Variants in ZNF606 observed in about 807,000 individuals in gnomAD.
ZNF606 encodes zinc finger protein 606.
Under a neutral mutation model 74.9 loss-of-function variants are expected in ZNF606, and 37 were observed. That is an observed-to-expected ratio of 0.49 (90% CI 0.38 to 0.65). The LOEUF is 0.65. Among genes scored for constraint, ZNF606 ranks in the 30% least tolerant of loss-of-function variants. The pLI is 0.00. For synonymous variants in ZNF606, 328 were observed against 312.4 expected (o/e 1.05, Z -0.53); for missense variants, 852 against 952.9 (o/e 0.89, Z 1.39).
intron 4 of ZNF606, among the ~76,000 whole-genome samples, chr19:57,988,940 A>G (rs1309365165): frequency 1.3e-5 from 2 of 152,208 alleles, no homozygotes; most frequent in South Asian, 2.1e-4. Flanking sequence ...TGGGTCCACA[A>G]TAACCACAGC....
chr19:57,987,530 A>T (rs2073182348), intron 6 of ZNF606, among the ~76,000 whole-genome samples: 1 of 152,154 alleles, frequency 6.6e-6, no homozygotes, highest in Non-Finnish European at 1.5e-5. Flanking sequence ...TCTAAGTAAG[A>T]AAGAACAAAA....
chr19:58,001,692 A>G (rs2073431757), intron 1 of ZNF606, among the ~76,000 whole-genome samples: 1 of 152,192 alleles, frequency 6.6e-6, no homozygotes, highest in Non-Finnish European at 1.5e-5. Flanking sequence ...ATCCTCATAT[A>G]TTAGTGGTTG....
chr19:57,990,159 G>A (rs978584879), intron 4 of ZNF606, among the ~76,000 whole-genome samples: 1 of 150,548 alleles, frequency 6.6e-6, no homozygotes, highest in Non-Finnish European at 1.5e-5. Context: ...TCAGGAGATT[G>A]AGACCATCCT....
chr19:57,999,020 CT>C (rs2123342054), intron 4 of ZNF606: 1 of 152,682 alleles, frequency 6.5e-6, no homozygotes, highest in South Asian at 2.1e-4. Flanking sequence ...CCCAAGACTT[CT>C]GAGGTTCTGC....
At chr19:57,983,800 T>C (rs888823732) in intron 6 of ZNF606, among the ~76,000 whole-genome samples, 5 of 151,712 alleles carry the variant, frequency 3.3e-5, no homozygotes, top group Non-Finnish European at 5.9e-5. Context: ...GCGTGACCAG[T>C]GTGTGAGGAG....
chr19:57,993,811 G>A (rs998011623), intron 4 of ZNF606, among the ~76,000 whole-genome samples: 2 of 152,196 alleles, frequency 1.3e-5, no homozygotes, highest in African/African-American at 4.8e-5. Flanking sequence ...GAACTGACCA[G>A]CTGACCCTGG....
At chr19:57,986,954 A>G (rs1393031562) in intron 6 of ZNF606, among the ~76,000 whole-genome samples, 5 of 151,980 alleles carry the variant, frequency 3.3e-5, no homozygotes, top group Non-Finnish European at 7.4e-5. Flanking sequence ...ACTGAGCATG[A>G]CGGTGCATGG....
intron 3 of ZNF606, chr19:58,000,476 C>T (rs1042081858): frequency 6.8e-5 from 44 of 648,750 alleles, no homozygotes; most frequent in African/African-American, 1.8e-4. Context: ...CCACTCGCCT[C>T]GGCCTCCCAA....
chr19:58,001,356 A>C lies in ZNF606; in HGVS notation c.-37T>G. 1 of 1,614,144 alleles carries C rather than the reference A, an allele frequency of 6.2e-7. No homozygotes were observed. The stretch of plus-strand genomic sequence containing the variant: ...ATTGACCAGGCACCTGCCCAGGAAC[A>C]CAGCAAATCCCAACCTAGTGACAAA... On this transcript the variant is annotated 5_prime_UTR_variant, in exon 2 of 7. Transcript: ENST00000551380.
chr19:58,002,620 G>A lies in ZNF606; in HGVS notation c.-276C>T, dbSNP rs746895712. ...GAACGCCCGGAGGCGGGAGGCCGGA[G>A]GCAGGCTGCTGGCTGGAGAACCGAC... On this transcript the variant is annotated 5_prime_UTR_variant, in exon 1 of 7. Coordinates refer to ENST00000551380, the MANE Select transcript of ZNF606 (RefSeq NM_001348022.3). 7.3e-5 allele frequency: 33 copies of A among 451,124 alleles called. No homozygotes were observed. The highest frequency in any genetic ancestry group is 1.4e-4 in the South Asian group (9 of 64,236). 27.9% of individuals were successfully genotyped at this position (451,124 alleles called of 1,614,324 possible). A position where few individuals can be genotyped will look rare whatever the true frequency, so the allele number is the denominator to read the frequency against.
At chr19:57,989,169 AC>A (rs1427433195) in intron 4 of ZNF606, among the ~76,000 whole-genome samples, 1 of 152,142 alleles carries the variant, frequency 6.6e-6, no homozygotes. Context: ...CTGTACATTC[AC>A]AAGTTGTCTT....
chr19:57,983,148 A>T (rs1173656133), intron 6 of ZNF606, among the ~76,000 whole-genome samples: 1 of 152,216 alleles, frequency 6.6e-6, no homozygotes, highest in East Asian at 1.9e-4. Context: ...TTCTTGTCCA[A>T]CTTTATACTC....
chr19:57,988,698 C>G lies in ZNF606; in HGVS notation c.201G>C (p.Val67=). The G allele has an allele frequency of 6.2e-7, 1 of 1,614,154 alleles. No homozygotes were observed. ...QVQEPVTFKD[V]AVDFTQEEWG... ...ACTCTTCTTGGGTGAAGTCCACGGC[C>G]ACGTCCTTGAAGGTCACTGGTTCCT... The change falls in exon 5 of 7, where the codon GTG becomes GTC. Residue 67 remains valine (V), a synonymous_variant. Transcript: ENST00000551380.
At chr19:58,000,427 G>A (rs141032200) in intron 3 of ZNF606, 374 of 588,290 alleles carry the variant, frequency 6.4e-4, no homozygotes, top group African/African-American at 6.0e-3. Context: ...GGGTTTCACC[G>A]TGTTAGCCAG....
In ZNF606 at chr19:57,979,470, C is replaced by T; in HGVS notation, c.1210G>A (p.Glu404Lys). 1 of 1,614,134 alleles carries T rather than the reference C, an allele frequency of 6.2e-7. No individual in the cohort carries two copies. Among genetic ancestry groups the T allele is most frequent in the Non-Finnish European group, 8.5e-7 (1 of 1,180,030 alleles). Residue 404 changes from glutamate to lysine, a missense_variant, in exon 7 of 7, where the codon GAA (glutamate) becomes AAA (lysine). Glu to Lys is a moderately conservative substitution (Grantham distance 56). This residue lies in a region of ZNF606 where 545 missense variants were observed against 542.5 expected (regional missense o/e 1.00). Coordinates refer to ENST00000551380, the MANE Select transcript of ZNF606 (RefSeq NM_001348022.3). ...CTCCAGATGAAAGACGTCCCACATT[C>T]ATTGTAGTCATAGGGTTTCTCTGCA... ...YTAEKPYDYN[E>K]CGTSFIWSSY...
At chr19:57,991,770 ACT>A (rs1485354819) in intron 4 of ZNF606, among the ~76,000 whole-genome samples, 3 of 147,200 alleles carry the variant, frequency 2.0e-5, no homozygotes, top group African/African-American at 5.0e-5. Context: ...ACAGAGTGAA[ACT>A]CTGTCTCAAA....
chr19:57,982,629 C>G (rs2073102302), intron 6 of ZNF606, among the ~76,000 whole-genome samples: 1 of 151,972 alleles, frequency 6.6e-6, no homozygotes. Flanking sequence ...CTTTTACCAC[C>G]CAAGTCCATT....
intron 6 of ZNF606, among the ~76,000 whole-genome samples, chr19:57,985,082 G>A (rs965973394): frequency 3.9e-5 from 6 of 152,022 alleles, no homozygotes; most frequent in East Asian, 3.8e-4. Context: ...GCGACAGAGC[G>A]AGACTCCATC....
At position 57,982,963 on chromosome 19, in the gene ZNF606, C is replaced by T. The variant is rs115235544; in HGVS notation, c.401-2684G>A. On this transcript the variant is annotated intron_variant, in intron 6 of 6. Coordinates refer to ENST00000551380, the MANE Select transcript of ZNF606 (RefSeq NM_001348022.3). ...TCCCTGGCCCCCACGACCATTATAA[C>T]AGAGGTTCTACTCTGCACAACTGGC... Among the ~76,000 whole-genome samples the T allele has an allele frequency of 4.7e-3, 704 of 148,756 alleles. 7 individuals are homozygous for T. Among genetic ancestry groups the T allele is most frequent in the African/African-American group, 0.017 (680 of 40,506 alleles).
Sources: allele counts gnomAD v4.1 joint callset (sites outside exome capture counted in the v4.1 genomes callset), GRCh38; gene constraint gnomAD v4.1.1; regional missense constraint gnomAD v4.1.1; transcripts MANE v1.5; gene names NCBI Gene and HGNC (gene_info 2026-07-23, HGNC 2026-07-21).